The following ADAM12 variants were observed in gnomAD, a reference collection of about 807,000 sequenced individuals.
ADAM12 encodes the protein disintegrin and metalloproteinase domain-containing protein 12.
In ADAM12, 70 loss-of-function variants were observed where a neutral mutation model predicts 106.4. The ratio of observed to expected loss-of-function variants is 0.66; its 90% CI spans 0.54 to 0.80. The LOEUF (loss-of-function observed/expected upper bound fraction) is 0.80, where lower values mean the gene tolerates loss of function less well. Ranked by LOEUF, ADAM12 falls within the 30% of genes least tolerant of loss-of-function variation. The probability of loss-of-function intolerance (pLI) is 0.00; values close to 1 mark genes in which losing one functional copy is unlikely to be tolerated. For missense variants in ADAM12, 1,010 were observed against 1,171.9 expected, an observed-to-expected ratio of 0.86 and a Z score of 2.02; for synonymous variants, 420 against 433.5, an observed-to-expected ratio of 0.97 and a Z score of 0.39.
At chr10:126,316,227 T>A (rs1219935121) in intron 2 of ADAM12, among the ~76,000 whole-genome samples, 1 of 152,146 alleles carries the variant, frequency 6.6e-6, no homozygotes, top group Non-Finnish European at 1.5e-5. Flanking sequence ...TTAATGCAGT[T>A]TTTAAAAGGG....
intron 3 of ADAM12, among the ~76,000 whole-genome samples, chr10:126,229,776 A>T (rs956607246): frequency 6.6e-6 from 1 of 151,890 alleles, no homozygotes; most frequent in Non-Finnish European, 1.5e-5. Flanking sequence ...TGCTCTGTTC[A>T]TGCCTGCTGT....
chr10:126,158,663 ACAGAGCACG>A, intron 3 of ADAM12, among the ~76,000 whole-genome samples: 1 of 142,454 alleles, frequency 7.0e-6, no homozygotes. Flanking sequence ...TGGGGGATGC[ACAGAGCACG>A]GGGAGAGGAT....
At chr10:126,188,539 G>A (rs1171161727) in intron 3 of ADAM12, among the ~76,000 whole-genome samples, 1 of 152,124 alleles carries the variant, frequency 6.6e-6, no homozygotes, top group African/African-American at 2.4e-5. Flanking sequence ...AACAAACAAA[G>A]GCCTTGTCTG....
intron 3 of ADAM12, among the ~76,000 whole-genome samples, chr10:126,219,443 G>A (rs10794068): frequency 1 from 151,875 of 152,310 alleles, 75,721 homozygotes; most frequent in East Asian, 1. Flanking sequence ...AGCTATGTGC[G>A]ACACAGACAT....
rs534337310 is a variant in ADAM12 at position 126,336,958 on chromosome 10, A to G, written c.89-6449T>C. On this transcript the variant is annotated intron_variant, in intron 1 of 22. Transcript: ENST00000448723. ...GATCCTTGGTGAGTGGAGCTGGGCT[A>G]TGGAACAACATCCGCCACAGAGGGC... is the stretch of plus-strand genomic sequence containing the variant. Among the ~76,000 whole-genome samples the G allele has an allele frequency of 2.2e-4, 34 of 152,344 alleles. No individual in the cohort carries two copies. In the South Asian group the frequency reaches 2.9e-3, roughly 13 times the overall value.
intron 1 of ADAM12, among the ~76,000 whole-genome samples, chr10:126,357,324 A>AG (rs773352894): frequency 6.6e-6 from 1 of 152,188 alleles, no homozygotes; most frequent in Middle Eastern, 3.4e-3. Context: ...GTGCTGAGGG[A>AG]GGGGGAAAAA....
chr10:126,017,398 T>C (rs993734362), intron 22 of ADAM12, 59 bp from the exon 23 acceptor site: 7 of 1,474,032 alleles, frequency 4.7e-6, no homozygotes, highest in Non-Finnish European at 5.6e-6. Flanking sequence ...ATTCTGAGGA[T>C]AGAGAGGTCT....
chr10:126,065,171 C>T (rs973825549), intron 13 of ADAM12, among the ~76,000 whole-genome samples, 170 bp from the exon 14 acceptor site: 7 of 152,316 alleles, frequency 4.6e-5, no homozygotes, highest in African/African-American at 9.6e-5. Context: ...ATCAGATTCT[C>T]GTTCTGGGGT....
chr10:126,327,355 G>T (rs903167072), intron 2 of ADAM12, among the ~76,000 whole-genome samples: 5 of 152,170 alleles, frequency 3.3e-5, no homozygotes, highest in Admixed American at 2.0e-4. Context: ...TGGAATTTGA[G>T]GCCCCCTTTC....
Position 126,162,423 on chromosome 10 carries a change from T to C in ADAM12, c.261-7118A>G, listed in dbSNP as rs115892649. The stretch of plus-strand genomic sequence containing the variant: ...GAGGGGAAATGACACGGATGCCAGG[T>C]GGTCAGGGCGCAGGGCCTGAGGCAG... On this transcript the variant is annotated intron_variant, in intron 3 of 22. Transcript: ENST00000448723. 7.0e-3 allele frequency among the ~76,000 whole-genome samples: 1,065 copies of C among 152,174 alleles called. 12 individuals carry two copies. The highest frequency in any genetic ancestry group is 0.024 in the African/African-American group (990 of 41,528).
At chr10:126,370,505 C>T (rs572321572) in intron 1 of ADAM12, among the ~76,000 whole-genome samples, 4 of 152,190 alleles carry the variant, frequency 2.6e-5, no homozygotes, top group Non-Finnish European at 2.9e-5. Flanking sequence ...TCCTTTGATG[C>T]GAAAATGAAA....
intron 9 of ADAM12, among the ~76,000 whole-genome samples, chr10:126,099,838 A>G (rs1046935184): frequency 2.6e-5 from 4 of 152,234 alleles, no homozygotes; most frequent in Admixed American, 6.5e-5. Context: ...TTGTCAAAGG[A>G]AAGTCTCTGT....
At chr10:126,284,925 T>C (rs1256259929) in intron 2 of ADAM12, among the ~76,000 whole-genome samples, 1 of 152,218 alleles carries the variant, frequency 6.6e-6, no homozygotes, top group Non-Finnish European at 1.5e-5. Context: ...CATACACACT[T>C]GTCTGTCTTT....
rs144447141 is a variant in ADAM12 at position 126,041,446 on chromosome 10, G to A, written c.2104+1594C>T. 1,606 of 985,634 alleles carry A rather than the reference G, an allele frequency of 1.6e-3. 20 individuals are homozygous for A. The highest frequency in any genetic ancestry group is 2.3e-3 in the South Asian group (48 of 21,284). 61.1% of individuals were successfully genotyped at this position (985,634 alleles called of 1,614,324 possible). ...AACATTCTTACTTGTTAAATGAAGGGTTGGTGACTCTGTGGGTTCCCTGGC... is the reference window on the plus strand; with the variant it reads ...AACATTCTTACTTGTTAAATGAAGGATTGGTGACTCTGTGGGTTCCCTGGC... On this transcript the variant is annotated intron_variant, in intron 18 of 22. Transcript: ENST00000448723.
At chr10:126,237,135 C>T (rs1474609653) in intron 3 of ADAM12, among the ~76,000 whole-genome samples, 1 of 152,168 alleles carries the variant, frequency 6.6e-6, no homozygotes, top group Non-Finnish European at 1.5e-5. Flanking sequence ...TAAATACCCT[C>T]ATGACACATC....
rs113978951 is a variant in ADAM12 at position 126,231,950 on chromosome 10, A to T, written c.260+46965T>A. Among the ~76,000 whole-genome samples the T allele has an allele frequency of 8.9e-3, 1,360 of 152,154 alleles. 27 individuals carry two copies. The highest frequency in any genetic ancestry group is 0.031 in the African/African-American group (1,304 of 41,500). ...TCAGCCTGAATTCTAGACATAACCA[A>T]TTGCCTTTCTGACATTTCTACTTGA... On this transcript the variant is annotated intron_variant, in intron 3 of 22. Coordinates refer to ENST00000448723, the MANE Select transcript of ADAM12 (RefSeq NM_001288973.2).
At chr10:126,055,993 C>A (rs981025200) in intron 14 of ADAM12, among the ~76,000 whole-genome samples, 1 of 152,102 alleles carries the variant, frequency 6.6e-6, no homozygotes, top group Non-Finnish European at 1.5e-5. Flanking sequence ...ATGAAAAATT[C>A]GGAGTAGAAT....
At chr10:126,340,872 C>A (rs532235973) in intron 1 of ADAM12, among the ~76,000 whole-genome samples, 1 of 151,968 alleles carries the variant, frequency 6.6e-6, no homozygotes, top group Non-Finnish European at 1.5e-5. Flanking sequence ...GCCCCCACCA[C>A]GCCTGGCTAA....
chr10:126,135,600 T>G lies in ADAM12; in HGVS notation c.400A>C (p.Thr134Pro). Residue 134 changes from threonine to proline, a missense_variant, in exon 5 of 23, where the codon ACG (threonine) becomes CCG (proline). Transcript: ENST00000448723. ...GCCACTTACCTGAGACCAGAACACGTGCTGAGACTGACTGCTGAATCAGAA... is the reference window on the plus strand; with the variant it reads ...GCCACTTACCTGAGACCAGAACACGGGCTGAGACTGACTGCTGAATCAGAA... Reference protein sequence around the residue: ...GYSDSAVSLSTCSGLRGLIVF... With the variant: ...GYSDSAVSLSPCSGLRGLIVF... 6.2e-7 allele frequency: 1 copy of G among 1,614,190 alleles called. No homozygotes were observed. The highest frequency in any genetic ancestry group is 1.7e-5 in the Admixed American group (1 of 60,026).
Sources: allele counts gnomAD v4.1 joint callset (sites outside exome capture counted in the v4.1 genomes callset), GRCh38; gene constraint gnomAD v4.1.1; transcripts MANE v1.5; gene names NCBI Gene and HGNC (gene_info 2026-07-23, HGNC 2026-07-21).